Variants in LRMDA observed in about 807,000 individuals in gnomAD.
The protein encoded by LRMDA is leucine-rich melanocyte differentiation-associated protein.
Under a neutral mutation model 29.8 loss-of-function variants are expected in LRMDA, and 18 were observed. That is an observed-to-expected ratio of 0.60 (90% CI 0.42 to 0.90). The LOEUF (loss-of-function observed/expected upper bound fraction) is 0.90, where lower values mean the gene tolerates loss of function less well. Among genes scored for constraint, LRMDA ranks in the 40% least tolerant of loss-of-function variants. LRMDA has a pLI of 0.00. For missense variants in LRMDA, 273 were observed against 273.9 expected (o/e 1.00, Z 0.02); for synonymous variants, 125 against 109.4 (o/e 1.14, Z -0.89).
At chr10:76,199,288 A>T (rs980451582) in intron 5 of LRMDA, among the ~76,000 whole-genome samples, 4 of 152,200 alleles carry the variant, frequency 2.6e-5, no homozygotes, top group African/African-American at 7.2e-5. Flanking sequence ...TTTGAAAATT[A>T]TGGTGTTTCT....
intron 2 of LRMDA, among the ~76,000 whole-genome samples, chr10:75,657,072 A>G (rs1391170390): frequency 2.3e-4 from 35 of 152,186 alleles, no homozygotes; most frequent in Admixed American, 2.2e-3. Context: ...GGCACCAGGG[A>G]AATCCTGGCA....
chr10:76,176,725 G>A (rs1365524746), intron 5 of LRMDA, among the ~76,000 whole-genome samples: 6 of 152,262 alleles, frequency 3.9e-5, no homozygotes, highest in South Asian at 2.1e-4. Context: ...CCTGGGAGGC[G>A]GAGGTTGCAG....
At chr10:76,112,459 G>A (rs1589332195) in intron 5 of LRMDA, among the ~76,000 whole-genome samples, 1 of 152,342 alleles carries the variant, frequency 6.6e-6, no homozygotes, top group Non-Finnish European at 1.5e-5. Flanking sequence ...GGTTCCGCTC[G>A]CCTCTTGCAC....
chr10:76,384,116 A>C (rs1382064651), intron 6 of LRMDA, among the ~76,000 whole-genome samples: 1 of 152,168 alleles, frequency 6.6e-6, no homozygotes, highest in African/African-American at 2.4e-5. Context: ...GGATGTGTTC[A>C]GTCATTCTTG....
At chr10:76,390,543 T>C (rs1841711082) in intron 6 of LRMDA, among the ~76,000 whole-genome samples, 1 of 151,404 alleles carries the variant, frequency 6.6e-6, no homozygotes, top group Non-Finnish European at 1.5e-5. Context: ...GTTAAGTGGA[T>C]GATGGCACCA....
intron 5 of LRMDA, among the ~76,000 whole-genome samples, chr10:76,323,610 A>G (rs1840798380): frequency 6.6e-6 from 1 of 152,052 alleles, no homozygotes; most frequent in African/African-American, 2.4e-5. Context: ...ATTGGTTCTG[A>G]GTGATAGCTG....
At chr10:76,017,390 A>G (rs929812086) in intron 2 of LRMDA, among the ~76,000 whole-genome samples, 1 of 152,182 alleles carries the variant, frequency 6.6e-6, no homozygotes, top group Admixed American at 6.5e-5. Context: ...TGATACCTTG[A>G]TTTCAGCTTT....
At chr10:75,702,215 T>G (rs1181059336) in intron 2 of LRMDA, among the ~76,000 whole-genome samples, 1 of 152,202 alleles carries the variant, frequency 6.6e-6, no homozygotes, top group East Asian at 1.9e-4. Flanking sequence ...GTCATTTAAC[T>G]TGTAATTATA....
At chr10:75,949,119 T>C (rs977922508) in intron 2 of LRMDA, among the ~76,000 whole-genome samples, 2 of 152,130 alleles carry the variant, frequency 1.3e-5, no homozygotes, top group Non-Finnish European at 2.9e-5. Context: ...CGTACTAGCA[T>C]GAGGCCTGAA....
chr10:75,596,564 A>G (rs1050603992), intron 2 of LRMDA, among the ~76,000 whole-genome samples: 1 of 152,044 alleles, frequency 6.6e-6, no homozygotes, highest in Non-Finnish European at 1.5e-5. Context: ...TTAAAATGAC[A>G]TATAATAATT....
chr10:75,513,109 T>C (rs1040471787), intron 2 of LRMDA, among the ~76,000 whole-genome samples: 2 of 152,216 alleles, frequency 1.3e-5, no homozygotes, highest in African/African-American at 4.8e-5. Context: ...AGTTACTTGT[T>C]AAAACCTTTC....
At chr10:75,962,854 T>C (rs927899611) in intron 2 of LRMDA, among the ~76,000 whole-genome samples, 3 of 152,314 alleles carry the variant, frequency 2.0e-5, no homozygotes, top group African/African-American at 7.2e-5. Flanking sequence ...ACTTGTCCCC[T>C]GTTTATTTCT....
intron 6 of LRMDA, among the ~76,000 whole-genome samples, chr10:76,488,021 T>G (rs1296262960): frequency 6.6e-6 from 1 of 151,694 alleles, no homozygotes; most frequent in Non-Finnish European, 1.5e-5. Context: ...ATGATTTAGT[T>G]CTCATTTTTT....
intron 2 of LRMDA, among the ~76,000 whole-genome samples, chr10:75,868,044 C>G (rs1480612677): frequency 6.6e-6 from 1 of 152,052 alleles, no homozygotes; most frequent in Non-Finnish European, 1.5e-5. Context: ...CCTTAGCTTG[C>G]AGGCTGTACA....
At chr10:75,923,096 C>T (rs1161501277) in intron 2 of LRMDA, among the ~76,000 whole-genome samples, 1 of 152,186 alleles carries the variant, frequency 6.6e-6, no homozygotes, top group African/African-American at 2.4e-5. Context: ...CACACTCTGC[C>T]CTTTTCTCCC....
rs562546527 is a variant in LRMDA, at chr10:75,780,694, C to T, written c.132-255314C>T. ...AAACAAGAAGGCACAAGTACTAGGGCCAGTGGGGTCTCATTGCCCCTCACT... is the reference window on the plus strand; with the variant it reads ...AAACAAGAAGGCACAAGTACTAGGGTCAGTGGGGTCTCATTGCCCCTCACT... On this transcript the variant is annotated intron_variant, in intron 2 of 6. Transcript: ENST00000611255. 9.2e-5 allele frequency among the ~76,000 whole-genome samples: 14 copies of T among 152,258 alleles called. No individual in the cohort carries two copies. In the South Asian group the frequency reaches 2.9e-3, roughly 32 times the overall value.
intron 2 of LRMDA, among the ~76,000 whole-genome samples, chr10:75,630,253 C>T (rs1167659246): frequency 6.6e-6 from 1 of 152,162 alleles, no homozygotes; most frequent in Non-Finnish European, 1.5e-5. Context: ...TGTTGCAATG[C>T]CCAGGGCTTG....
chr10:76,054,502 G>A (rs774965235), intron 4 of LRMDA, among the ~76,000 whole-genome samples: 13 of 151,792 alleles, frequency 8.6e-5, no homozygotes, highest in Admixed American at 2.0e-4. Flanking sequence ...GACAATGTGC[G>A]GTCTGTTGTC....
chr10:76,109,053 A>G (rs962944010), intron 5 of LRMDA, among the ~76,000 whole-genome samples: 4 of 152,174 alleles, frequency 2.6e-5, no homozygotes, highest in East Asian at 1.9e-4. Flanking sequence ...CACATGCCCC[A>G]CAGTCATATC....
Sources: gnomAD v4.1 joint callset for allele counts (sites outside exome capture counted in the v4.1 genomes callset) on GRCh38, gnomAD v4.1.1 for gene constraint, MANE v1.5 for transcripts, NCBI Gene and HGNC (gene_info 2026-07-23, HGNC 2026-07-21) for gene names.